RANBP2: variants seen among roughly 807,000 people sequenced by gnomAD.
The protein encoded by RANBP2 is E3 SUMO-protein ligase RanBP2.
Under a neutral mutation model 303.6 loss-of-function variants are expected in RANBP2, and 57 were observed. That is an observed-to-expected ratio of 0.19 (90% confidence interval 0.15 to 0.23). The LOEUF is 0.23. Ranked by LOEUF, RANBP2 falls within the 10% of genes least tolerant of loss-of-function variation. The probability of loss-of-function intolerance (pLI) is 1.00; values close to 1 mark genes in which losing one functional copy is unlikely to be tolerated. For synonymous variants in RANBP2, 1,167 were observed against 1,301.5 expected, an observed-to-expected ratio of 0.90 and a Z score of 2.23; for missense variants, 3,138 against 3,780.8, an observed-to-expected ratio of 0.83 and a Z score of 4.46.
At chr2:109,192,113 G>T in the RANBP2 span, among the ~76,000 whole-genome samples, 2 of 152,086 alleles carry the variant, frequency 1.3e-5, no homozygotes, top group African/African-American at 4.8e-5. Context: ...GTTAATTTTG[G>T]ACTCAGAGTT....
At chr2:108,894,522 C>T in the RANBP2 span, 1 of 152,084 alleles carries the variant, frequency 6.6e-6, no homozygotes, top group Non-Finnish European at 1.5e-5. Flanking sequence ...TATATATATA[C>T]AGAATTAGAC....
At chr2:109,562,635 C>A in the RANBP2 span, among the ~76,000 whole-genome samples, 1 of 152,226 alleles carries the variant, frequency 6.6e-6, no homozygotes, top group East Asian at 1.9e-4. Flanking sequence ...GACACCTAGG[C>A]CTGTCTCCTC....
chr2:108,791,747 TTA>T, the RANBP2 span: 2 of 1,605,770 alleles, frequency 1.2e-6, no homozygotes, highest in Non-Finnish European at 1.7e-6. Flanking sequence ...TTGAAAATGA[TTA>T]TAGAGTTAGT....
chr2:109,402,649 A>G, the RANBP2 span, among the ~76,000 whole-genome samples: 9 of 152,310 alleles, frequency 5.9e-5, no homozygotes, highest in Middle Eastern at 3.4e-3. Flanking sequence ...AGGCTGTGAT[A>G]AAGAACATCT....
the RANBP2 span, among the ~76,000 whole-genome samples, chr2:109,151,655 C>T: frequency 6.6e-6 from 1 of 152,240 alleles, no homozygotes; most frequent in African/African-American, 2.4e-5. Flanking sequence ...TGCAGTACAT[C>T]TGAGGTCACA....
At chr2:109,096,997 C>T in the RANBP2 span, among the ~76,000 whole-genome samples, 2 of 152,076 alleles carry the variant, frequency 1.3e-5, no homozygotes, top group Non-Finnish European at 2.9e-5. Context: ...CTTCCCCCCA[C>T]CCACCAAATT....
the RANBP2 span, among the ~76,000 whole-genome samples, chr2:109,191,801 G>C: frequency 3.9e-5 from 6 of 152,304 alleles, no homozygotes; most frequent in African/African-American, 1.4e-4. Context: ...AAAGTCCCCA[G>C]GTTGGGACTG....
the RANBP2 span, chr2:108,929,385 C>G: frequency 6.2e-7 from 1 of 1,613,970 alleles, no homozygotes; most frequent in South Asian, 1.1e-5. Flanking sequence ...CAGGACTGTC[C>G]AGGGAAAGAG....
the RANBP2 span, among the ~76,000 whole-genome samples, chr2:108,964,787 A>C: frequency 6.6e-6 from 1 of 152,176 alleles, no homozygotes; most frequent in Non-Finnish European, 1.5e-5. Context: ...GCTTCTACCC[A>C]GAGAGCTGAG....
the RANBP2 span, among the ~76,000 whole-genome samples, chr2:109,096,806 T>A: frequency 2.0e-5 from 3 of 152,014 alleles, no homozygotes; most frequent in Non-Finnish European, 4.4e-5. Flanking sequence ...AACGCTTTTT[T>A]TTTTTTTCAG....
the RANBP2 span, among the ~76,000 whole-genome samples, chr2:109,571,168 C>A: frequency 1.3e-5 from 2 of 152,204 alleles, no homozygotes; most frequent in East Asian, 3.9e-4. Context: ...TTTTAAATTT[C>A]CTGAAATCTC....
At chr2:108,862,496 C>T in the RANBP2 span, among the ~76,000 whole-genome samples, 1 of 152,084 alleles carries the variant, frequency 6.6e-6, no homozygotes, top group Non-Finnish European at 1.5e-5. Flanking sequence ...GTGGTGATTA[C>T]AGTTAATAAC....
At chr2:109,351,186 C>T in the RANBP2 span, among the ~76,000 whole-genome samples, 3 of 152,310 alleles carry the variant, frequency 2.0e-5, no homozygotes, top group African/African-American at 7.2e-5. Context: ...GAGCTGTGGG[C>T]CCAGCTCTGC....
chr2:109,502,966 G>A, the RANBP2 span: 1 of 152,216 alleles, frequency 6.6e-6, no homozygotes, highest in South Asian at 2.1e-4. Context: ...AGGAGATCAG[G>A]GGGTTGCAGC....
the RANBP2 span, among the ~76,000 whole-genome samples, chr2:109,411,586 G>A: frequency 6.6e-6 from 1 of 152,166 alleles, no homozygotes; most frequent in Non-Finnish European, 1.5e-5. Context: ...GCCACGACCA[G>A]TGTGCCACTC....
chr2:109,106,316 T>C, the RANBP2 span, among the ~76,000 whole-genome samples: 2 of 152,190 alleles, frequency 1.3e-5, no homozygotes, highest in African/African-American at 4.8e-5. Context: ...CCAACACTAC[T>C]AGCCATGAAT....
the RANBP2 span, among the ~76,000 whole-genome samples, chr2:108,835,627 C>T: frequency 6.6e-6 from 1 of 152,112 alleles, no homozygotes; most frequent in African/African-American, 2.4e-5. Flanking sequence ...TTCTGGTCCA[C>T]CCATATAATT....
At chr2:108,786,794 CG>C, downstream of RANBP2, 5 of 1,563,236 alleles carry the variant, frequency 3.2e-6, no homozygotes, top group Middle Eastern at 3.4e-4. Context: ...ACGCGGTTCC[CG>C]GGGAGACTGG....
the RANBP2 span, among the ~76,000 whole-genome samples, chr2:109,669,501 A>G: frequency 6.6e-6 from 1 of 152,204 alleles, no homozygotes; most frequent in African/African-American, 2.4e-5. Flanking sequence ...AACCAAAAAG[A>G]ATCTGATTTA....
Sources: allele counts gnomAD v4.1 joint callset (sites outside exome capture counted in the v4.1 genomes callset), GRCh38; gene constraint gnomAD v4.1.1; transcripts MANE v1.5; gene names NCBI Gene and HGNC (gene_info 2026-07-23, HGNC 2026-07-21).